PRKAG2: variants seen among roughly 807,000 people sequenced by gnomAD.
PRKAG2 encodes the protein protein kinase AMP-activated non-catalytic subunit gamma 2, also known as 5'-AMP-activated protein kinase subunit gamma-2.
A neutral mutation model predicts 69.6 loss-of-function variants in PRKAG2; 26 were observed. The ratio of observed to expected loss-of-function variants is 0.37; its 90% CI spans 0.27 to 0.52. PRKAG2 has a LOEUF of 0.52. Ranked by LOEUF, PRKAG2 falls within the 20% of genes least tolerant of loss-of-function variation. The probability of loss-of-function intolerance (pLI) is 0.90; values close to 1 mark genes in which losing one functional copy is unlikely to be tolerated. For synonymous variants in PRKAG2, 293 were observed against 285.0 expected (o/e 1.03, Z -0.28); for missense variants, 557 against 740.0 (o/e 0.75, Z 2.87).
intron 4 of PRKAG2, among the ~76,000 whole-genome samples, chr7:151,640,193 C>G (rs974397269): frequency 5.3e-5 from 8 of 152,048 alleles, no homozygotes; most frequent in Admixed American, 5.2e-4. Flanking sequence ...ACCTGTAATT[C>G]CAGCTACTTG....
rs572144734 is a variant in PRKAG2 at position 151,785,987 on chromosome 7, G to C, written c.186+483C>G. On this transcript the variant is annotated intron_variant, in intron 2 of 15. Transcript: ENST00000287878. ...CGGCGAGGAGCTAAAGAGAGGAAAG[G>C]AAAAGTGGAAAGAGAGAAAAAGGCG... Among the ~76,000 whole-genome samples the C allele has an allele frequency of 7.9e-5, 12 of 152,340 alleles. No homozygotes were observed. In the South Asian group the frequency reaches 1.7e-3, roughly 21 times the overall value.
chr7:151,663,388 G>C (rs1355798002), intron 4 of PRKAG2, among the ~76,000 whole-genome samples: 1 of 152,106 alleles, frequency 6.6e-6, no homozygotes, highest in Non-Finnish European at 1.5e-5. Flanking sequence ...TTTTGTTTTT[G>C]TTTTTCAAAC....
chr7:151,811,499 T>A (rs2078420912), intron 1 of PRKAG2, among the ~76,000 whole-genome samples: 1 of 152,256 alleles, frequency 6.6e-6, no homozygotes, highest in Admixed American at 6.5e-5. Context: ...TCTTAACTCA[T>A]AATTCAGTAA....
At chr7:151,779,102 A>G (rs1254563438) in intron 3 of PRKAG2, among the ~76,000 whole-genome samples, 1 of 152,258 alleles carries the variant, frequency 6.6e-6, no homozygotes, top group African/African-American at 2.4e-5. Flanking sequence ...TTACTGAAAG[A>G]AAACAGTTGA....
rs1171308481 is a variant in PRKAG2 at position 151,567,121 on chromosome 7, G to A, written c.1234-1236C>T. ...GGGCTTGGGAGTCAGAGAGACTCCC[G>A]GGTTTGCAATCTACCACTTAGTATC... is the stretch of plus-strand genomic sequence containing the variant. On this transcript the variant is annotated intron_variant, in intron 11 of 15. Transcript: ENST00000287878. The surrounding 1 kb of genome is among the most constrained non-coding windows in gnomAD (Gnocchi z 4.2). Among the ~76,000 whole-genome samples, 1 of 152,142 alleles carries A rather than the reference G, an allele frequency of 6.6e-6. No individual in the cohort carries two copies. Among genetic ancestry groups the A allele is most frequent in the Non-Finnish European group, 1.5e-5 (1 of 68,022 alleles).
intron 1 of PRKAG2, among the ~76,000 whole-genome samples, chr7:151,855,050 C>A (rs1385865275): frequency 1.3e-4 from 7 of 54,266 alleles, no homozygotes; most frequent in South Asian, 7.7e-4. Context: ...ACACCGCCCT[C>A]CACACACACC....
At chr7:151,803,947 A>C (rs946666236) in intron 1 of PRKAG2, among the ~76,000 whole-genome samples, 2 of 151,890 alleles carry the variant, frequency 1.3e-5, no homozygotes, top group Admixed American at 6.6e-5. Flanking sequence ...CAAAAAAAAA[A>C]AAAAAAAAAG....
chr7:151,685,846 A>AT (rs1217856658), intron 3 of PRKAG2, among the ~76,000 whole-genome samples: 3 of 152,128 alleles, frequency 2.0e-5, no homozygotes, highest in Admixed American at 6.5e-5. Flanking sequence ...TGGGATCCTC[A>AT]TTTTTTTAAA....
chr7:151,637,170 C>A (rs111782443), intron 4 of PRKAG2, among the ~76,000 whole-genome samples: 2,012 of 152,282 alleles, frequency 0.013, 28 homozygotes, highest in African/African-American at 0.046. Context: ...CAGGATCTCT[C>A]TGCATTATTT....
intron 1 of PRKAG2, among the ~76,000 whole-genome samples, chr7:151,865,464 C>A (rs1294074801): frequency 1.3e-5 from 2 of 152,212 alleles, no homozygotes; most frequent in Non-Finnish European, 2.9e-5. Context: ...CAGACGTGAA[C>A]TGACAGGGTG....
chr7:151,633,952 C>T (rs929537672), intron 4 of PRKAG2, among the ~76,000 whole-genome samples: 10 of 152,014 alleles, frequency 6.6e-5, no homozygotes, highest in South Asian at 4.1e-4. Context: ...TTTTTTGAGA[C>T]GGAGTCTCGC....
chr7:151,824,765 C>A (rs1325529191), intron 1 of PRKAG2, among the ~76,000 whole-genome samples: 1 of 152,224 alleles, frequency 6.6e-6, no homozygotes, highest in Non-Finnish European at 1.5e-5. Context: ...GAGAAATGCA[C>A]TTCTGTCCTG....
At chr7:151,654,250 GA>G (rs1345899047) in intron 4 of PRKAG2, among the ~76,000 whole-genome samples, 1 of 152,142 alleles carries the variant, frequency 6.6e-6, no homozygotes, top group Non-Finnish European at 1.5e-5. Flanking sequence ...CATGGTGAAG[GA>G]TGAGGACGAG....
chr7:151,573,937 C>T (rs6966231), intron 8 of PRKAG2, among the ~76,000 whole-genome samples: 20,864 of 151,994 alleles, frequency 0.14, 1,514 homozygotes, highest in African/African-American at 0.15. Flanking sequence ...CGCTGCCACA[C>T]CCAGCTAATT....
intron 3 of PRKAG2, among the ~76,000 whole-genome samples, chr7:151,717,837 C>G (rs1203203728): frequency 6.6e-6 from 1 of 152,214 alleles, no homozygotes; most frequent in Non-Finnish European, 1.5e-5. Context: ...GCCTTGGGGA[C>G]CCACCAGGAA....
At chr7:151,786,578 G>A (rs1422658002) in intron 1 of PRKAG2, 37 bp from the exon 2 acceptor site, 1 of 1,558,116 alleles carries the variant, frequency 6.4e-7, no homozygotes, top group East Asian at 2.3e-5. Context: ...AGTGACAGTG[G>A]CCCTCGGGCC....
intron 3 of PRKAG2, among the ~76,000 whole-genome samples, chr7:151,709,363 A>T (rs55779150): frequency 0.26 from 38,967 of 151,942 alleles, 5,362 homozygotes; most frequent in African/African-American, 0.3. Flanking sequence ...AATGTGTGAC[A>T]TTGATGTATA....
intron 1 of PRKAG2, among the ~76,000 whole-genome samples, chr7:151,845,042 C>T (rs1290690444): frequency 1.3e-5 from 2 of 150,238 alleles, no homozygotes; most frequent in Admixed American, 6.6e-5. Context: ...GCCTCCGCCC[C>T]GCACAAGGGT....
intron 4 of PRKAG2, among the ~76,000 whole-genome samples, chr7:151,664,737 T>C (rs1299701452): frequency 6.6e-6 from 1 of 152,204 alleles, no homozygotes; most frequent in East Asian, 1.9e-4. Context: ...TGCCTCCCAA[T>C]AGAGGTGCTA....
Sources: allele counts gnomAD v4.1 joint callset (sites outside exome capture counted in the v4.1 genomes callset), GRCh38; gene constraint gnomAD v4.1.1; non-coding constraint Gnocchi (gnomAD v3.1); transcripts MANE v1.5; gene names NCBI Gene and HGNC (gene_info 2026-07-23, HGNC 2026-07-21).